MIPOL1: variants seen among roughly 807,000 people sequenced by gnomAD.
MIPOL1 encodes mirror-image polydactyly gene 1 protein.
Under a neutral mutation model 60.9 loss-of-function variants are expected in MIPOL1, and 57 were observed. That is an observed-to-expected ratio of 0.94 (90% confidence interval 0.76 to 1.17). The LOEUF (loss-of-function observed/expected upper bound fraction) is 1.17, where lower values mean the gene tolerates loss of function less well. Among genes scored for constraint, MIPOL1 ranks in the 50% most tolerant of loss-of-function variants. The pLI, the probability that MIPOL1 is intolerant of heterozygous loss-of-function variation, is 0.00. For synonymous variants in MIPOL1, 179 were observed against 168.8 expected (o/e 1.06, Z -0.47); for missense variants, 551 against 511.6 (o/e 1.08, Z -0.74).
chr14:37,268,559 G>T, intron 4 of MIPOL1, 99 bp from the exon 5 acceptor site: 1 of 848,050 alleles, frequency 1.2e-6, no homozygotes, highest in Non-Finnish European at 1.8e-6. Context: ...TTCCTTTATG[G>T]TGTTTGCTTA....
chr14:37,243,834 A>AT (rs1041440369), intron 1 of MIPOL1, among the ~76,000 whole-genome samples: 1 of 152,130 alleles, frequency 6.6e-6, no homozygotes, highest in Non-Finnish European at 1.5e-5. Flanking sequence ...ATTACTTACA[A>AT]TTTTTTAGGC....
At chr14:37,440,561 A>G (rs1196836152) in intron 11 of MIPOL1, among the ~76,000 whole-genome samples, 1 of 152,158 alleles carries the variant, frequency 6.6e-6, no homozygotes, top group African/African-American at 2.4e-5. Context: ...TTCACTTAAG[A>G]TAATGACTTC....
chr14:37,402,083 C>T (rs10483491), intron 10 of MIPOL1, among the ~76,000 whole-genome samples: 28,542 of 151,896 alleles, frequency 0.19, 5,353 homozygotes, highest in African/African-American at 0.47. Flanking sequence ...ATGATTATTT[C>T]CGTTAAGAGA....
intron 12 of MIPOL1, among the ~76,000 whole-genome samples, chr14:37,544,367 A>T (rs1211074931): frequency 6.6e-6 from 1 of 152,136 alleles, no homozygotes; most frequent in Non-Finnish European, 1.5e-5. Context: ...AACCTTGTAT[A>T]AGGGTTTACT....
intron 12 of MIPOL1, chr14:37,507,270 A>G (rs567820000): frequency 6.6e-6 from 1 of 152,322 alleles, no homozygotes; most frequent in Non-Finnish European, 1.5e-5. Context: ...TACCCAAAGC[A>G]TTATAAATCA....
intron 11 of MIPOL1, among the ~76,000 whole-genome samples, chr14:37,465,513 T>G (rs977357096): frequency 3.9e-5 from 6 of 152,180 alleles, no homozygotes; most frequent in Non-Finnish European, 7.4e-5. Context: ...CTGGCAAATT[T>G]GTAATATTTG....
chr14:37,291,684 G>C (rs926434835), intron 7 of MIPOL1, among the ~76,000 whole-genome samples: 1 of 151,992 alleles, frequency 6.6e-6, no homozygotes, highest in Non-Finnish European at 1.5e-5. Flanking sequence ...AAATTTATTG[G>C]CTCACAGTTC....
At chr14:37,484,384 C>G (rs970099694) in intron 11 of MIPOL1, among the ~76,000 whole-genome samples, 26 of 134,264 alleles carry the variant, frequency 1.9e-4, no homozygotes, top group Non-Finnish European at 3.3e-4. Context: ...TGTCACCAGG[C>G]TGGAGTGCAG....
At chr14:37,222,372 A>G (rs1807210955) in intron 1 of MIPOL1, among the ~76,000 whole-genome samples, 1 of 150,734 alleles carries the variant, frequency 6.6e-6, no homozygotes, top group Non-Finnish European at 1.5e-5. Context: ...ACAGGCATGC[A>G]TCAACACACC....
intron 1 of MIPOL1, among the ~76,000 whole-genome samples, chr14:37,213,228 C>T (rs927831575): frequency 1.3e-5 from 2 of 152,148 alleles, no homozygotes; most frequent in Non-Finnish European, 2.9e-5. Flanking sequence ...AGTAAGGAAG[C>T]AGAGACCAAT....
chr14:37,542,780 A>T lies in MIPOL1; in HGVS notation c.1263-4125A>T, dbSNP rs1389549119. Among the ~76,000 whole-genome samples, 4 of 152,276 alleles carry T rather than the reference A, an allele frequency of 2.6e-5. No individual in the cohort carries two copies. In the East Asian group the frequency reaches 7.7e-4, roughly 29 times the overall value. ...CTGCTTTCCCACCTTACTGCTTCTTATGAGTAAGGACTATGTCCTGTTCTT... is the reference window on the plus strand; with the variant it reads ...CTGCTTTCCCACCTTACTGCTTCTTTTGAGTAAGGACTATGTCCTGTTCTT... On this transcript the variant is annotated intron_variant, in intron 12 of 12. Coordinates refer to ENST00000684589, the MANE Select transcript of MIPOL1 (RefSeq NM_001388067.1).
At chr14:37,308,017 A>G (rs1267096712) in intron 7 of MIPOL1, 39 bp from the exon 8 acceptor site, 4 of 1,581,396 alleles carry the variant, frequency 2.5e-6, no homozygotes, top group South Asian at 1.1e-5. Flanking sequence ...GCACTAAGGA[A>G]ATGCTACTGA....
At chr14:37,237,340 C>G (rs537580971) in intron 1 of MIPOL1, among the ~76,000 whole-genome samples, 1 of 152,118 alleles carries the variant, frequency 6.6e-6, no homozygotes, top group Non-Finnish European at 1.5e-5. Flanking sequence ...AAGTACAAGA[C>G]TCCCACTGCA....
At chr14:37,522,558 G>C (rs142482113) in intron 12 of MIPOL1, among the ~76,000 whole-genome samples, 13 of 152,152 alleles carry the variant, frequency 8.5e-5, no homozygotes, top group African/African-American at 2.9e-4. Flanking sequence ...ATCTTTTCCA[G>C]TTTACTGAGA....
At chr14:37,245,080 A>G (rs1416866322) in intron 1 of MIPOL1, among the ~76,000 whole-genome samples, 1 of 152,152 alleles carries the variant, frequency 6.6e-6, no homozygotes, top group African/African-American at 2.4e-5. Context: ...TTTCATATGA[A>G]GCCTATTTAA....
At chr14:37,464,946 T>C (rs2094580847) in intron 11 of MIPOL1, among the ~76,000 whole-genome samples, 1 of 152,184 alleles carries the variant, frequency 6.6e-6, no homozygotes, top group African/African-American at 2.4e-5. Flanking sequence ...AGCATCATAT[T>C]TTCAACTTAT....
intron 9 of MIPOL1, among the ~76,000 whole-genome samples, chr14:37,318,155 C>A (rs2088130777): frequency 6.6e-6 from 1 of 152,214 alleles, no homozygotes; most frequent in South Asian, 2.1e-4. Context: ...ACCTAGAATC[C>A]TGGTCAATGA....
At chr14:37,449,245 T>C (rs191857550) in intron 11 of MIPOL1, among the ~76,000 whole-genome samples, 1 of 150,538 alleles carries the variant, frequency 6.6e-6, no homozygotes, top group East Asian at 1.9e-4. Flanking sequence ...ATATTACCAT[T>C]AAAAAAAAAT....
In MIPOL1 at chr14:37,361,691, C is replaced by T. The variant is rs150947822; in HGVS notation, c.829-7826C>T. On this transcript the variant is annotated intron_variant, in intron 9 of 12. Coordinates refer to ENST00000684589, the MANE Select transcript of MIPOL1 (RefSeq NM_001388067.1). ...CTCGATTTCGGCCCAATGCAAGCTCCGCCTTCCCCGGGTTCATGCCATTCT... is the reference window on the plus strand; with the variant it reads ...CTCGATTTCGGCCCAATGCAAGCTCTGCCTTCCCCGGGTTCATGCCATTCT... Among the ~76,000 whole-genome samples, 218 of 140,688 alleles carry T rather than the reference C, an allele frequency of 1.5e-3. 1 individual carries two copies. The East Asian group carries it at 0.034, about 22-fold the overall frequency. The allele number at this position is 140,688 out of a possible 152,430, so 92.3% of individuals were successfully genotyped here. A position where few individuals can be genotyped will look rare whatever the true frequency, so the allele number is the denominator to read the frequency against.
Sources: gnomAD v4.1 joint callset for allele counts (sites outside exome capture counted in the v4.1 genomes callset) on GRCh38, gnomAD v4.1.1 for gene constraint, MANE v1.5 for transcripts, NCBI Gene and HGNC (gene_info 2026-07-23, HGNC 2026-07-21) for gene names.